Variants in ADGRV1 observed in about 807,000 individuals in gnomAD.
The protein encoded by ADGRV1 is G-protein coupled receptor 98.
ADGRV1 carries 359 observed loss-of-function variants against 596.2 expected under a neutral mutation model. The ratio of observed to expected loss-of-function variants is 0.60; its 90% confidence interval spans 0.55 to 0.66. ADGRV1 has a LOEUF of 0.66. Among genes scored for constraint, ADGRV1 ranks in the 30% least tolerant of loss-of-function variants. The probability of loss-of-function intolerance (pLI) is 0.00; values close to 1 mark genes in which losing one functional copy is unlikely to be tolerated. For synonymous variants in ADGRV1, 2,681 were observed against 2,679.2 expected (o/e 1.00, Z -0.02); for missense variants, 7,274 against 7,575.6 (o/e 0.96, Z 1.48).
At position 90,568,234 on chromosome 5, in the gene ADGRV1, T is replaced by C. The variant is rs140394328; in HGVS notation, c.22+9317T>C. Reference sequence around the variant, plus strand: ...TTCTTTATTTGAGATCTTTCCTTTTTTTAATATATGCATTTGTGCCTGTAA... The same window carrying C: ...TTCTTTATTTGAGATCTTTCCTTTTCTTAATATATGCATTTGTGCCTGTAA... On this transcript the variant is annotated intron_variant, in intron 1 of 89. Coordinates refer to ENST00000405460, the MANE Select transcript of ADGRV1 (RefSeq NM_032119.4). Among the ~76,000 whole-genome samples the C allele has an allele frequency of 7.1e-3, 1,088 of 152,204 alleles. 8 individuals are homozygous for C. The highest frequency in any genetic ancestry group is 1.0e-2 in the Non-Finnish European group (679 of 68,004).
chr5:91,072,507 C>A lies in ADGRV1; in HGVS notation c.18213C>A (p.Cys6071Ter). 6.2e-7 allele frequency: 1 copy of A among 1,613,684 alleles called. No individual in the cohort carries two copies. Among genetic ancestry groups the A allele is most frequent in the Non-Finnish European group, 8.5e-7 (1 of 1,179,632 alleles). Residue 6071 changes from cysteine to a stop codon, truncating the protein, a stop_gained, in exon 86 of 90, where the codon TGC (cysteine) becomes TGA (stop). Coordinates refer to ENST00000405460, the MANE Select transcript of ADGRV1 (RefSeq NM_032119.4). LOFTEE classifies it high-confidence loss of function. ...CTGCAGCTCTTGTTCCTTTGACGTGCCTCGTGGTGGTGTTCGTGGTGTTCA... is the reference window on the plus strand; with the variant it reads ...CTGCAGCTCTTGTTCCTTTGACGTGACTCGTGGTGGTGTTCGTGGTGTTCA... ...LFTAALVPLT[C>*]LVVVFVVFIH...
chr5:91,028,439 C>T (rs1267235985), intron 85 of ADGRV1, among the ~76,000 whole-genome samples: 1 of 152,156 alleles, frequency 6.6e-6, no homozygotes, highest in African/African-American at 2.4e-5. Flanking sequence ...TTCAGGCCGA[C>T]TTTGATATCC....
At chr5:90,905,736 T>C (rs888170955) in intron 83 of ADGRV1, among the ~76,000 whole-genome samples, 1 of 152,136 alleles carries the variant, frequency 6.6e-6, no homozygotes, top group Admixed American at 6.6e-5. Flanking sequence ...TTCCCTTGTC[T>C]GATTGCTCTA....
intron 57 of ADGRV1, 129 bp from the exon 58 acceptor site, chr5:90,759,280 T>C: frequency 1.6e-6 from 1 of 637,482 alleles, no homozygotes; most frequent in Non-Finnish European, 2.6e-6. Flanking sequence ...TTTCTGAGAT[T>C]TTTGGTTTCA....
chr5:91,082,773 T>A (rs576202009), intron 86 of ADGRV1, among the ~76,000 whole-genome samples: 45 of 152,182 alleles, frequency 3.0e-4, no homozygotes, highest in Non-Finnish European at 5.1e-4. Context: ...ATCAACATGG[T>A]GATACTGTAA....
At chr5:90,788,351 T>C (rs780992718) in intron 68 of ADGRV1, 41 bp downstream of exon 68, 3 of 1,543,488 alleles carry the variant, frequency 1.9e-6, no homozygotes, top group Non-Finnish European at 2.6e-6. Context: ...GTGGATTTCA[T>C]GGATTTATCA....
chr5:90,847,773 G>C (rs559371865), intron 78 of ADGRV1, among the ~76,000 whole-genome samples: 1 of 152,326 alleles, frequency 6.6e-6, no homozygotes, highest in South Asian at 2.1e-4. Flanking sequence ...TGAATGCGGG[G>C]CCCACTGAGC....
chr5:91,046,495 CT>C (rs1414648374), intron 85 of ADGRV1, among the ~76,000 whole-genome samples: 6 of 152,216 alleles, frequency 3.9e-5, no homozygotes, highest in African/African-American at 1.4e-4. Context: ...CATCTCTCAC[CT>C]TATATAGAAA....
At position 90,820,528 on chromosome 5, in the gene ADGRV1, T is replaced by C. The variant is rs1763380144; in HGVS notation, c.16197-2897T>C. Among the ~76,000 whole-genome samples the C allele has an allele frequency of 2.6e-5, 4 of 152,326 alleles. No homozygotes were observed. In the South Asian group the frequency reaches 8.3e-4, roughly 32 times the overall value. Reference sequence around the variant, plus strand: ...CTTAGTCTCGATGGTCTTTACATTTTGGCATGATTTTGCAGCGGCTGGTAC... The same window carrying C: ...CTTAGTCTCGATGGTCTTTACATTTCGGCATGATTTTGCAGCGGCTGGTAC... On this transcript the variant is annotated intron_variant, in intron 75 of 89. Transcript: ENST00000405460.
intron 48 of ADGRV1, among the ~76,000 whole-genome samples, chr5:90,726,808 T>A (rs947501908): frequency 3.9e-5 from 6 of 152,192 alleles, no homozygotes; most frequent in African/African-American, 1.4e-4. Flanking sequence ...ACTTGGATAC[T>A]TTTATCAATC....
chr5:91,051,844 G>GT (rs1453373174), intron 85 of ADGRV1, among the ~76,000 whole-genome samples: 7 of 152,098 alleles, frequency 4.6e-5, no homozygotes, highest in African/African-American at 7.2e-5. Flanking sequence ...CCTTGTTTAT[G>GT]TAAGTGGACT....
intron 21 of ADGRV1, among the ~76,000 whole-genome samples, chr5:90,661,128 C>A (rs1770225280): frequency 6.6e-6 from 1 of 152,130 alleles, no homozygotes; most frequent in African/African-American, 2.4e-5. Context: ...GTTTCTTCCC[C>A]ATATTTTGTT....
chr5:90,645,006 C>A, intron 15 of ADGRV1, 137 bp downstream of exon 15: 2 of 636,966 alleles, frequency 3.1e-6, no homozygotes, highest in Non-Finnish European at 5.0e-6. Context: ...CAGTGTCTGA[C>A]CATAAACCAG....
At chr5:91,030,647 T>C (rs944568534) in intron 85 of ADGRV1, among the ~76,000 whole-genome samples, 18 of 152,096 alleles carry the variant, frequency 1.2e-4, no homozygotes, top group African/African-American at 3.6e-4. Flanking sequence ...ATGGAAATGT[T>C]CATATTTATT....
In ADGRV1 at chr5:90,629,314, C is replaced by T; in HGVS notation, c.1614C>T (p.Ser538=). The T allele has an allele frequency of 6.2e-7, 1 of 1,613,498 alleles. No individual in the cohort carries two copies. Among genetic ancestry groups the T allele is most frequent in the Non-Finnish European group, 8.5e-7 (1 of 1,179,740 alleles). Residue 538 remains serine, a synonymous_variant, in exon 9 of 90, where the codon TCC becomes TCT. Transcript: ENST00000405460. ...GCAGCCCAGGTGAACGATACTTATC[C>T]TTGAGTTTTACAAGACTAGGAGGGA... ...IESSPGERYL[S]LSFTRLGGTK... is the part of the protein sequence containing the mutation.
chr5:90,791,443 A>T, intron 70 of ADGRV1, 97 bp downstream of exon 70: 2 of 913,720 alleles, frequency 2.2e-6, no homozygotes, highest in South Asian at 3.6e-5. Context: ...TTATTCAGGT[A>T]TTTAAATGGA....
intron 83 of ADGRV1, among the ~76,000 whole-genome samples, chr5:90,925,946 G>A (rs370186079): frequency 1.1e-4 from 15 of 131,120 alleles, no homozygotes; most frequent in African/African-American, 2.6e-4. Context: ...ATTGATTTGC[G>A]TATATTGAAC....
chr5:90,577,864 A>G (rs1444885301), intron 1 of ADGRV1, among the ~76,000 whole-genome samples: 1 of 151,974 alleles, frequency 6.6e-6, no homozygotes, highest in African/African-American at 2.4e-5. Flanking sequence ...TAGGTATTTT[A>G]TTCTCTTTGT....
chr5:90,819,799 G>T (rs1023533659), intron 75 of ADGRV1, among the ~76,000 whole-genome samples: 44 of 152,218 alleles, frequency 2.9e-4, no homozygotes, highest in African/African-American at 9.2e-4. Flanking sequence ...TATAATCTCT[G>T]TTCTTTTACA....
Sources: gnomAD v4.1 joint callset for allele counts (sites outside exome capture counted in the v4.1 genomes callset) on GRCh38, gnomAD v4.1.1 for gene constraint, MANE v1.5 for transcripts, NCBI Gene and HGNC (gene_info 2026-07-23, HGNC 2026-07-21) for gene names.